The following STXBP5 variants were observed in gnomAD, a reference collection of about 807,000 sequenced individuals.
The protein encoded by STXBP5 is syntaxin binding protein 5, also known as syntaxin-binding protein 5.
Under a neutral mutation model 152.4 loss-of-function variants are expected in STXBP5, and 50 were observed. That is an observed-to-expected ratio of 0.33 (90% confidence interval 0.26 to 0.42). The LOEUF (loss-of-function observed/expected upper bound fraction) is 0.42. Ranked by LOEUF, STXBP5 falls within the 10% of genes least tolerant of loss-of-function variation. The probability of loss-of-function intolerance (pLI) is 1.00; values close to 1 mark genes in which losing one functional copy is unlikely to be tolerated. For synonymous variants in STXBP5, 492 were observed against 494.7 expected, an observed-to-expected ratio of 0.99 and a Z score of 0.07; for missense variants, 1,167 against 1,388.6, an observed-to-expected ratio of 0.84 and a Z score of 2.54.
chr6:147,258,904 C>A (rs545729871), intron 4 of STXBP5, among the ~76,000 whole-genome samples: 18 of 152,066 alleles, frequency 1.2e-4, no homozygotes, highest in African/African-American at 4.3e-4. Flanking sequence ...TTGGTTGCAA[C>A]TGGAAGTTTA....
At chr6:147,361,026 C>G (rs1382407162) in intron 23 of STXBP5, among the ~76,000 whole-genome samples, 1 of 152,090 alleles carries the variant, frequency 6.6e-6, no homozygotes, top group Non-Finnish European at 1.5e-5. Context: ...TACTGCACAT[C>G]AAGTTGTTAG....
At chr6:147,280,135 T>G (rs1475802491) in intron 8 of STXBP5, among the ~76,000 whole-genome samples, 1 of 151,998 alleles carries the variant, frequency 6.6e-6, no homozygotes, top group Non-Finnish European at 1.5e-5. Flanking sequence ...GAGTTTTATG[T>G]GGATTAGATT....
chr6:147,331,806 A>T (rs1303009605), intron 18 of STXBP5, among the ~76,000 whole-genome samples: 4 of 37,104 alleles, frequency 1.1e-4, no homozygotes, highest in Non-Finnish European at 2.4e-4. Context: ...TCTACCAGTT[A>T]AAAAAAAAAA....
chr6:147,246,815 A>G (rs1161463728), intron 4 of STXBP5, among the ~76,000 whole-genome samples: 1 of 152,196 alleles, frequency 6.6e-6, no homozygotes, highest in Non-Finnish European at 1.5e-5. Context: ...CTCTCATGGA[A>G]AAAAACAACC....
At position 147,235,325 on chromosome 6, in the gene STXBP5, T is replaced by C. The variant is rs1359652788; in HGVS notation, c.324T>C (p.Ile108=). Residue 108 remains isoleucine, a synonymous_variant, in exon 3 of 28, where the codon ATT becomes ATC. Coordinates refer to ENST00000321680, the MANE Select transcript of STXBP5 (RefSeq NM_001127715.4). The part of the protein sequence containing the change: ...GAAVIQLQFL[I]NEGALVSALA... ...CAGTAATCCAGCTCCAGTTCCTGAT[T>C]AATGAGGTTAGTGAATTGTTTTAAT... The C allele has an allele frequency of 6.2e-7, 1 of 1,612,162 alleles. No individual in the cohort carries two copies. Among genetic ancestry groups the C allele is most frequent in the African/African-American group, 1.3e-5 (1 of 74,860 alleles).
chr6:147,253,783 AG>A (rs1464728254), intron 4 of STXBP5, among the ~76,000 whole-genome samples: 2 of 152,222 alleles, frequency 1.3e-5, no homozygotes, highest in African/African-American at 4.8e-5. Context: ...CCACTCCTCA[AG>A]GAAATAAGAG....
chr6:147,269,935 CTA>C (rs1369324154), intron 7 of STXBP5, among the ~76,000 whole-genome samples: 1 of 151,968 alleles, frequency 6.6e-6, no homozygotes, highest in Admixed American at 6.5e-5. Flanking sequence ...TTGATGAAAA[CTA>C]TATACTCAGA....
At chr6:147,349,529 T>G (rs1784495190) in intron 21 of STXBP5, among the ~76,000 whole-genome samples, 1 of 152,316 alleles carries the variant, frequency 6.6e-6, no homozygotes, top group African/African-American at 2.4e-5. Flanking sequence ...AAAAGAAATG[T>G]TTGGGGAACA....
intron 9 of STXBP5, among the ~76,000 whole-genome samples, chr6:147,305,973 T>C (rs574351274): frequency 3.3e-5 from 5 of 152,344 alleles, no homozygotes; most frequent in African/African-American, 9.6e-5. Context: ...TCATATGAGA[T>C]TGACTAGAGC....
chr6:147,310,223 A>G lies in STXBP5; in HGVS notation c.1057A>G (p.Thr353Ala), dbSNP rs1782293972. The change falls in exon 10 of 28, where the codon ACA becomes GCA. Residue 353 changes from threonine (T) to alanine (A), a missense_variant. Transcript: ENST00000321680. The part of the protein sequence containing the change: ...SIVDFLTLCE[T>A]PYPNDFQEPY... ...TGTTGATTTTCTAACGCTGTGTGAAACACCATACCCAAATGGTAAGCTTTG... is the reference window on the plus strand; with the variant it reads ...TGTTGATTTTCTAACGCTGTGTGAAGCACCATACCCAAATGGTAAGCTTTG... 2 of 1,579,574 alleles carry G rather than the reference A, an allele frequency of 1.3e-6. No individual in the cohort carries two copies. The highest frequency in any genetic ancestry group is 2.3e-5 in the East Asian group (1 of 43,554).
chr6:147,294,004 A>C (rs971981434), intron 9 of STXBP5, among the ~76,000 whole-genome samples: 4 of 152,228 alleles, frequency 2.6e-5, no homozygotes, highest in African/African-American at 9.6e-5. Context: ...GATGTTACAT[A>C]GCTTTTATTT....
At chr6:147,219,349 C>G (rs1313618904) in intron 2 of STXBP5, among the ~76,000 whole-genome samples, 1 of 152,058 alleles carries the variant, frequency 6.6e-6, no homozygotes, top group Non-Finnish European at 1.5e-5. Context: ...ATTTTTGCAT[C>G]CATCTTCATG....
intron 17 of STXBP5, among the ~76,000 whole-genome samples, chr6:147,325,298 TAA>T (rs1783190958): frequency 6.6e-6 from 1 of 152,190 alleles, no homozygotes; most frequent in Non-Finnish European, 1.5e-5. Flanking sequence ...GATGTAAAGT[TAA>T]ATGCCTCATG....
intron 11 of STXBP5, among the ~76,000 whole-genome samples, chr6:147,311,895 A>G (rs1330953814): frequency 6.6e-6 from 1 of 152,148 alleles, no homozygotes; most frequent in Admixed American, 6.6e-5. Context: ...TGCAATGTTT[A>G]TACGTGCTTT....
intron 4 of STXBP5, among the ~76,000 whole-genome samples, chr6:147,241,260 G>A (rs1036740635): frequency 6.6e-6 from 1 of 152,128 alleles, no homozygotes; most frequent in Non-Finnish European, 1.5e-5. Context: ...TGGTAAGTTT[G>A]TTACAGTTAA....
At position 147,389,242 on chromosome 6, in the gene STXBP5, C is replaced by A. The variant is rs906340051; in HGVS notation, c.*4487C>A. On this transcript the variant is annotated 3_prime_UTR_variant, in exon 28 of 28. Transcript: ENST00000321680. Reference sequence around the variant, plus strand: ...ATATTAATGATTTTACTACTGCCTCCGAAGTTTTAAAAAAGGTTCTGTAGA... The same window carrying A: ...ATATTAATGATTTTACTACTGCCTCAGAAGTTTTAAAAAAGGTTCTGTAGA... 6.6e-6 allele frequency: 1 copy of A among 151,378 alleles called. No individual in the cohort carries two copies. Among genetic ancestry groups the A allele is most frequent in the Non-Finnish European group, 1.5e-5 (1 of 67,670 alleles). 9.4% of individuals were successfully genotyped at this position (151,378 alleles called of 1,614,324 possible). A position where few individuals can be genotyped will look rare whatever the true frequency, so the allele number is the denominator to read the frequency against.
At chr6:147,279,185 A>C (rs1229613969) in intron 8 of STXBP5, among the ~76,000 whole-genome samples, 1 of 152,236 alleles carries the variant, frequency 6.6e-6, no homozygotes, top group Non-Finnish European at 1.5e-5. Context: ...CATAAGTAGT[A>C]CTTAACAAAA....
intron 26 of STXBP5, among the ~76,000 whole-genome samples, chr6:147,380,709 G>A (rs193241471): frequency 2.0e-5 from 3 of 152,080 alleles, no homozygotes; most frequent in East Asian, 1.9e-4. Context: ...GAATACTAAC[G>A]AGAAAGTGAA....
At chr6:147,368,182 A>G (rs183775741) in intron 25 of STXBP5, among the ~76,000 whole-genome samples, 6 of 152,260 alleles carry the variant, frequency 3.9e-5, no homozygotes, top group African/African-American at 1.4e-4. Context: ...TGATAACAAA[A>G]TTAGACCAAG....
Sources: allele counts gnomAD v4.1 joint callset (sites outside exome capture counted in the v4.1 genomes callset), GRCh38; gene constraint gnomAD v4.1.1; transcripts MANE v1.5; gene names NCBI Gene and HGNC (gene_info 2026-07-23, HGNC 2026-07-21).